Variants in MACROD2 observed in about 807,000 individuals in gnomAD.
MACROD2 encodes the protein ADP-ribose glycohydrolase MACROD2.
Under a neutral mutation model 70.4 loss-of-function variants are expected in MACROD2, and 36 were observed. The observed-to-expected ratio is 0.51, with a 90% CI of 0.39 to 0.68. The LOEUF is 0.68. Ranked by LOEUF, MACROD2 falls within the 30% of genes least tolerant of loss-of-function variation. The pLI is 0.00. For missense variants in MACROD2, 496 were observed against 538.4 expected (o/e 0.92, Z 0.78); for synonymous variants, 172 against 178.8 (o/e 0.96, Z 0.30).
intron 8 of MACROD2, among the ~76,000 whole-genome samples, chr20:15,664,275 T>C (rs535081247): frequency 3.3e-5 from 5 of 152,180 alleles, no homozygotes; most frequent in Non-Finnish European, 7.3e-5. Flanking sequence ...TGGGAAGAAT[T>C]GAACCACCAA....
chr20:15,652,923 T>C (rs919033499), intron 8 of MACROD2, among the ~76,000 whole-genome samples: 1 of 152,174 alleles, frequency 6.6e-6, no homozygotes, highest in Non-Finnish European at 1.5e-5. Flanking sequence ...ACACTAAAGC[T>C]ACAACTAATA....
chr20:16,052,902 A>G lies in MACROD2; in HGVS notation c.*3026A>G, dbSNP rs1219238829. 2 of 152,664 alleles carry G rather than the reference A, an allele frequency of 1.3e-5. No homozygotes were observed. Among genetic ancestry groups the G allele is most frequent in the Non-Finnish European group, 2.9e-5 (2 of 68,050 alleles). The allele number at this position is 152,664 out of a possible 1,614,324, so 9.5% of individuals were successfully genotyped here. A position where few individuals can be genotyped will look rare whatever the true frequency, so the allele number is the denominator to read the frequency against. On this transcript the variant is annotated 3_prime_UTR_variant, in exon 18 of 18. Transcript: ENST00000684519. ...TTTGCCTTACCCTGACATTTGTGAT[A>G]TAAAGGAAAATCAGAAAAAAAGTAA... is the stretch of plus-strand genomic sequence containing the variant.
rs1052548727 is a variant in MACROD2 at position 15,365,345 on chromosome 20, T to C, written c.541-66060T>C. Among the ~76,000 whole-genome samples, 5 of 152,240 alleles carry C rather than the reference T, an allele frequency of 3.3e-5. No homozygotes were observed. In the Middle Eastern group the frequency reaches 0.01, roughly 311 times the overall value. ...AAACTTGGAGCCTCTCTATCCAAAC[T>C]TCAAAATCCTAAGCCTTTTTAATAA... On this transcript the variant is annotated intron_variant, in intron 6 of 17. Coordinates refer to ENST00000684519, the MANE Select transcript of MACROD2 (RefSeq NM_001351661.2).
chr20:14,356,109 T>C (rs964598008), intron 3 of MACROD2, among the ~76,000 whole-genome samples: 3 of 152,200 alleles, frequency 2.0e-5, no homozygotes, highest in African/African-American at 7.2e-5. Flanking sequence ...TATAGCCTAG[T>C]TCTGCCACTT....
chr20:14,000,951 A>G (rs912696592), intron 1 of MACROD2, among the ~76,000 whole-genome samples: 3 of 152,184 alleles, frequency 2.0e-5, no homozygotes, highest in Non-Finnish European at 2.9e-5. Flanking sequence ...ATTTAGTTAT[A>G]GTATTCATAC....
At chr20:15,500,865 TATAA>T (rs1245600143) in intron 8 of MACROD2, among the ~76,000 whole-genome samples, 2 of 152,202 alleles carry the variant, frequency 1.3e-5, no homozygotes, top group Non-Finnish European at 2.9e-5. Context: ...CTTTGAAATG[TATAA>T]ATATGGCAAC....
chr20:14,742,860 G>A (rs897658546), intron 5 of MACROD2, among the ~76,000 whole-genome samples: 10 of 151,126 alleles, frequency 6.6e-5, no homozygotes, highest in Admixed American at 1.3e-4. Context: ...TCCACCTCCC[G>A]GGTTCACGCC....
intron 2 of MACROD2, among the ~76,000 whole-genome samples, chr20:14,037,853 A>T (rs1463223091): frequency 6.6e-6 from 1 of 151,868 alleles, no homozygotes; most frequent in Non-Finnish European, 1.5e-5. Context: ...TACAAAAAAA[A>T]ACCCCAAGAA....
rs148876222 is a variant in MACROD2, at chr20:15,922,184, T to C, written c.776-11092T>C. ...GGCTTTGACAGCTGTGGCTACAATA[T>C]CCATCTGTCCCACTGGACTCAGCTC... On this transcript the variant is annotated intron_variant, in intron 10 of 17. Coordinates refer to ENST00000684519, the MANE Select transcript of MACROD2 (RefSeq NM_001351661.2). 3.8e-3 allele frequency among the ~76,000 whole-genome samples: 582 copies of C among 152,302 alleles called. 1 individual carries two copies. The highest frequency in any genetic ancestry group is 0.017 in the Middle Eastern group (5 of 294).
chr20:14,811,669 G>A (rs1196010766), intron 5 of MACROD2, among the ~76,000 whole-genome samples: 4 of 151,938 alleles, frequency 2.6e-5, no homozygotes, highest in Non-Finnish European at 5.9e-5. Context: ...GAAAAGTTTT[G>A]CAATCCATCC....
At chr20:14,733,378 C>A (rs1254415767) in intron 5 of MACROD2, among the ~76,000 whole-genome samples, 1 of 152,110 alleles carries the variant, frequency 6.6e-6, no homozygotes. Context: ...AGGGTACTTC[C>A]TTATAGGTAA....
At chr20:14,597,900 G>C (rs768823251) in intron 4 of MACROD2, among the ~76,000 whole-genome samples, 2 of 152,030 alleles carry the variant, frequency 1.3e-5, no homozygotes, top group Non-Finnish European at 2.9e-5. Flanking sequence ...TGGTGCTGTT[G>C]ATTGAACTTC....
chr20:15,951,352 A>AAG (rs1289133782), intron 12 of MACROD2, among the ~76,000 whole-genome samples: 16 of 91,950 alleles, frequency 1.7e-4, no homozygotes, highest in East Asian at 3.4e-4. Flanking sequence ...CACACACACA[A>AAG]AGAGAGAGAG....
At chr20:15,679,535 T>C (rs1329793756) in intron 8 of MACROD2, among the ~76,000 whole-genome samples, 1 of 152,154 alleles carries the variant, frequency 6.6e-6, no homozygotes, top group Non-Finnish European at 1.5e-5. Flanking sequence ...ACCAACAGAA[T>C]GTGGCAGAAG....
rs560791559 is a variant in MACROD2, at chr20:14,475,877, G to A, written c.272-17602G>A. Among the ~76,000 whole-genome samples, 13 of 152,000 alleles carry A rather than the reference G, an allele frequency of 8.6e-5. No individual in the cohort carries two copies. The South Asian group carries it at 2.7e-3, about 32-fold the overall frequency. ...TAACACTACCCCAAGACCTTTCAGA[G>A]TCTTGGGGTAGTGTTATTTGGTTTG... On this transcript the variant is annotated intron_variant, in intron 3 of 17. Transcript: ENST00000684519.
At chr20:14,664,663 AC>A (rs1355750927) in intron 4 of MACROD2, among the ~76,000 whole-genome samples, 2 of 152,078 alleles carry the variant, frequency 1.3e-5, no homozygotes, top group Non-Finnish European at 1.5e-5. Context: ...GTGCACAAGT[AC>A]CTCTGATATT....
intron 6 of MACROD2, among the ~76,000 whole-genome samples, chr20:15,420,314 T>C (rs1421228773): frequency 6.6e-6 from 1 of 152,236 alleles, no homozygotes; most frequent in African/African-American, 2.4e-5. Context: ...TGAAAGCAGC[T>C]GGCAATAAAT....
rs1465626830 is a variant in MACROD2 at position 14,326,158 on chromosome 20, C to G, written c.272-167321C>G. 1 of 1,613,730 alleles carries G rather than the reference C, an allele frequency of 6.2e-7. No homozygotes were observed. Among genetic ancestry groups the G allele is most frequent in the East Asian group, 2.2e-5 (1 of 44,876 alleles). On this transcript the variant is annotated intron_variant, in intron 3 of 17. Coordinates refer to ENST00000684519, the MANE Select transcript of MACROD2 (RefSeq NM_001351661.2). The surrounding 1 kb of genome is among the most constrained non-coding windows in gnomAD (Gnocchi z 5.5). Reference sequence around the variant, plus strand: ...TGTTACAATTGTTTCTGTTATAGATCCAAATGCCGGGCTATGGCCCAGTTT... The same window carrying G: ...TGTTACAATTGTTTCTGTTATAGATGCAAATGCCGGGCTATGGCCCAGTTT...
chr20:14,124,316 A>G (rs2054619756), intron 3 of MACROD2, among the ~76,000 whole-genome samples: 1 of 152,152 alleles, frequency 6.6e-6, no homozygotes, highest in Non-Finnish European at 1.5e-5. Flanking sequence ...TTTAGAGGGA[A>G]TATACCATGT....
Sources: allele counts gnomAD v4.1 joint callset (sites outside exome capture counted in the v4.1 genomes callset), GRCh38; gene constraint gnomAD v4.1.1; non-coding constraint Gnocchi (gnomAD v3.1); transcripts MANE v1.5; gene names NCBI Gene and HGNC (gene_info 2026-07-23, HGNC 2026-07-21).